Variants in ZDHHC6 observed in about 807,000 individuals in gnomAD.
The protein encoded by ZDHHC6 is palmitoyltransferase ZDHHC6.
Under a neutral mutation model 57.8 loss-of-function variants are expected in ZDHHC6, and 32 were observed. The ratio of observed to expected loss-of-function variants is 0.55; its 90% CI spans 0.42 to 0.74. The LOEUF is 0.74. Among genes scored for constraint, ZDHHC6 ranks in the 30% least tolerant of loss-of-function variants. ZDHHC6 has a pLI of 0.00. For synonymous variants in ZDHHC6, 128 were observed against 158.0 expected (o/e 0.81, Z 1.42); for missense variants, 433 against 500.7 (o/e 0.86, Z 1.29).
intron 6 of ZDHHC6, 73 bp downstream of exon 6, chr10:112,438,263 T>G (rs1267132508): frequency 4.8e-6 from 5 of 1,047,292 alleles, no homozygotes; most frequent in Non-Finnish European, 5.0e-6. Flanking sequence ...CAGACTTTAT[T>G]AATATTCAGG....
intron 4 of ZDHHC6, among the ~76,000 whole-genome samples, chr10:112,441,350 T>G (rs532557820): frequency 3.3e-5 from 5 of 152,220 alleles, no homozygotes; most frequent in Non-Finnish European, 5.9e-5. Flanking sequence ...TACATCGCAG[T>G]ATTCTTCCAC....
chr10:112,440,300 C>T (rs1314920865), intron 5 of ZDHHC6, among the ~76,000 whole-genome samples: 1 of 152,150 alleles, frequency 6.6e-6, no homozygotes, highest in Non-Finnish European at 1.5e-5. Flanking sequence ...TGAAGTGCTC[C>T]AGAACTTACC....
At chr10:112,446,009 T>C (rs1181317658) in intron 1 of ZDHHC6, among the ~76,000 whole-genome samples, 1 of 152,172 alleles carries the variant, frequency 6.6e-6, no homozygotes, top group African/African-American at 2.4e-5. Context: ...GAACAGAAAT[T>C]GTCTTAGAGA....
chr10:112,430,717 A>G lies in ZDHHC6; in HGVS notation c.*87T>C. 1 of 1,165,434 alleles carries G rather than the reference A, an allele frequency of 8.6e-7. No individual in the cohort carries two copies. The highest frequency in any genetic ancestry group is 1.5e-5 in the South Asian group (1 of 65,370). 72.2% of individuals were successfully genotyped at this position (1,165,434 alleles called of 1,614,324 possible). On this transcript the variant is annotated 3_prime_UTR_variant, in exon 11 of 11. Coordinates refer to ENST00000369405, the MANE Select transcript of ZDHHC6 (RefSeq NM_022494.3). ...TTGAGGAAAAGAACATCTTAACCAG[A>G]GTAGGCTCATTGCATAATTCTTTAG...
chr10:112,441,006 C>T (rs1308816356), intron 4 of ZDHHC6, among the ~76,000 whole-genome samples: 2 of 152,108 alleles, frequency 1.3e-5, no homozygotes, highest in East Asian at 3.9e-4. Flanking sequence ...CCATCACACC[C>T]GGCTTATTTT....
chr10:112,431,628 C>T (rs1189308391), intron 10 of ZDHHC6, among the ~76,000 whole-genome samples: 2 of 151,980 alleles, frequency 1.3e-5, no homozygotes, highest in Non-Finnish European at 2.9e-5. Flanking sequence ...ATATACATTT[C>T]TATATCACGG....
chr10:112,430,928 G>T (rs781596262), intron 10 of ZDHHC6, 21 bp from the exon 11 acceptor site: 1 of 1,595,676 alleles, frequency 6.3e-7, no homozygotes, highest in Admixed American at 1.7e-5. Flanking sequence ...AAATGAAATT[G>T]AGGTGAAATA....
chr10:112,438,108 T>C (rs529732082), intron 6 of ZDHHC6, among the ~76,000 whole-genome samples: 1 of 152,308 alleles, frequency 6.6e-6, no homozygotes, highest in South Asian at 2.1e-4. Context: ...TCAGGGTGTA[T>C]GAGAAGCACC....
intron 6 of ZDHHC6, among the ~76,000 whole-genome samples, chr10:112,434,680 A>G (rs1330231290): frequency 6.6e-6 from 1 of 152,236 alleles, no homozygotes; most frequent in Non-Finnish European, 1.5e-5. Flanking sequence ...TACCTAGGAA[A>G]TATCTGACAG....
At chr10:112,435,831 A>C (rs1845473864) in intron 6 of ZDHHC6, among the ~76,000 whole-genome samples, 1 of 152,236 alleles carries the variant, frequency 6.6e-6, no homozygotes, top group Non-Finnish European at 1.5e-5. Context: ...AAAATGACTA[A>C]GACATGTCTT....
intron 10 of ZDHHC6, among the ~76,000 whole-genome samples, chr10:112,431,197 A>T (rs544751254): frequency 1.3e-5 from 2 of 152,276 alleles, no homozygotes; most frequent in South Asian, 4.1e-4. Context: ...GTGTTTACTT[A>T]TATGTGTATG....
chr10:112,436,371 G>T (rs188970310), intron 6 of ZDHHC6, among the ~76,000 whole-genome samples: 1 of 152,282 alleles, frequency 6.6e-6, no homozygotes, highest in East Asian at 1.9e-4. Context: ...AGCTACTTGG[G>T]AGGCTAAGGC....
intron 8 of ZDHHC6, 99 bp from the exon 9 acceptor site, chr10:112,432,620 G>A: frequency 6.9e-7 from 1 of 1,441,974 alleles, no homozygotes; most frequent in South Asian, 1.4e-5. Flanking sequence ...AAAATATCCA[G>A]TGACAAGCCT....
downstream of ZDHHC6, chr10:112,425,543 C>G: frequency 7.6e-7 from 1 of 1,310,220 alleles, no homozygotes; most frequent in Non-Finnish European, 1.0e-6. Context: ...CTTGTAGCTA[C>G]AGGAAATTTG....
chr10:112,427,314 T>C, downstream of ZDHHC6: 1 of 1,613,858 alleles, frequency 6.2e-7, no homozygotes, highest in Non-Finnish European at 8.5e-7. Context: ...TTCCAAATAC[T>C]TTCGGACCCA....
chr10:112,447,322 G>T (rs1846879220), upstream of ZDHHC6: 10 of 1,579,662 alleles, frequency 6.3e-6, no homozygotes, highest in Non-Finnish European at 7.8e-6. Context: ...TGCCCCTCGA[G>T]GCCCTTTCCC....
chr10:112,432,130 G>A (rs771119444), intron 10 of ZDHHC6, 110 bp downstream of exon 10: 15 of 1,014,418 alleles, frequency 1.5e-5, no homozygotes, highest in Non-Finnish European at 2.0e-5. Context: ...ACCCTTCTAT[G>A]CAGTTCCCCT....
exon 12 of ZDHHC6, chr10:112,425,195 CA>C (rs1844620600): frequency 2.9e-6 from 2 of 691,528 alleles, no homozygotes. Flanking sequence ...TCACCAAAGC[CA>C]AGAAAGAGAA....
downstream of ZDHHC6, chr10:112,427,999 G>A (rs1374685281): frequency 1.3e-5 from 2 of 157,974 alleles, no homozygotes; most frequent in Non-Finnish European, 2.8e-5. Context: ...TATCTGACTT[G>A]GGAGTATTAA....
Sources: allele counts gnomAD v4.1 joint callset (sites outside exome capture counted in the v4.1 genomes callset), GRCh38; gene constraint gnomAD v4.1.1; transcripts MANE v1.5; gene names NCBI Gene and HGNC (gene_info 2026-07-23, HGNC 2026-07-21).